Variants in CDH10 observed in about 807,000 individuals in gnomAD.
CDH10 encodes cadherin-10.
Under a neutral mutation model 73.1 loss-of-function variants are expected in CDH10, and 30 were observed. That is an observed-to-expected ratio of 0.41 (90% confidence interval 0.31 to 0.56). The LOEUF (loss-of-function observed/expected upper bound fraction) is 0.56, where lower values mean the gene tolerates loss of function less well. Among genes scored for constraint, CDH10 ranks in the 20% least tolerant of loss-of-function variants. The pLI is 0.27. For synonymous variants in CDH10, 345 were observed against 348.2 expected, an observed-to-expected ratio of 0.99 and a Z score of 0.10; for missense variants, 815 against 973.7, an observed-to-expected ratio of 0.84 and a Z score of 2.17.
rs2111895373 is a variant in CDH10, at chr5:24,537,550, C to T, written c.356G>A (p.Arg119Lys). Residue 119 changes from arginine to lysine, a missense_variant, in exon 3 of 12, where the codon AGG (arginine) becomes AAG (lysine). Physicochemically the swap from Arg to Lys is conservative, Grantham distance 26 (BLOSUM62 2). Coordinates refer to ENST00000264463, the MANE Select transcript of CDH10 (RefSeq NM_006727.5). ...GDIHATRRID[R>K]EEKAFYTLRA... ...TAGAGTATAAAAGGCCTTTTCCTCC[C>T]TATCAATTCGCCTTGTGGCATGAAT... 6.2e-7 allele frequency: 1 copy of T among 1,613,234 alleles called. No homozygotes were observed. Among genetic ancestry groups the T allele is most frequent in the Non-Finnish European group, 8.5e-7 (1 of 1,179,422 alleles).
intron 11 of CDH10, 72 bp downstream of exon 11, chr5:24,491,504 T>C (rs761009554): frequency 2.8e-6 from 4 of 1,404,398 alleles, no homozygotes; most frequent in Middle Eastern, 2.0e-4. Flanking sequence ...GGAGGGATTT[T>C]AATAGCCACA....
At chr5:24,596,521 G>A (rs943374775) in intron 1 of CDH10, among the ~76,000 whole-genome samples, 3 of 151,780 alleles carry the variant, frequency 2.0e-5, no homozygotes, top group Non-Finnish European at 4.4e-5. Flanking sequence ...TTAATTTTCT[G>A]AAGCCCACTT....
At chr5:24,504,155 G>A (rs1051084458) in intron 8 of CDH10, among the ~76,000 whole-genome samples, 5 of 151,954 alleles carry the variant, frequency 3.3e-5, no homozygotes, top group African/African-American at 4.8e-5. Context: ...AAAAAATCCC[G>A]AAAAACAGCA....
At chr5:24,640,762 C>G (rs1748022609) in intron 1 of CDH10, among the ~76,000 whole-genome samples, 1 of 151,786 alleles carries the variant, frequency 6.6e-6, no homozygotes, top group Non-Finnish European at 1.5e-5. Flanking sequence ...TAATTTGCAG[C>G]TTTCCCTTTC....
chr5:24,554,117 G>GAGAGAGAGAGAGAGAGA lies in CDH10; in HGVS notation c.232-16444_232-16443insTCTCTCTCTCTCTCTCT, dbSNP rs1377523348. 1.4e-4 allele frequency: 6 copies of GAGAGAGAGAGAGAGAGA among 41,864 alleles called. 1 individual carries two copies. The highest frequency in any genetic ancestry group is 1.6e-4 in the Non-Finnish European group (3 of 18,376). The allele number at this position is 41,864 out of a possible 1,614,324, so 2.6% of individuals were successfully genotyped here. ...AGAGAGAAGGGGAGGTGGGCGGGGG[G>GAGAGAGAGAGAGAGAGA]GGGAGAGAGAGAGACATTCAATCAG... On this transcript the variant is annotated intron_variant, in intron 2 of 11. Transcript: ENST00000264463.
chr5:24,607,638 A>T (rs1746804644), intron 1 of CDH10, among the ~76,000 whole-genome samples: 1 of 152,150 alleles, frequency 6.6e-6, no homozygotes, highest in Non-Finnish European at 1.5e-5. Flanking sequence ...TTGTCTAGGG[A>T]TGTCCGTTAG....
chr5:24,623,655 A>G (rs193185535), intron 1 of CDH10, among the ~76,000 whole-genome samples: 2 of 152,316 alleles, frequency 1.3e-5, no homozygotes, highest in Admixed American at 1.3e-4. Flanking sequence ...GAACAAAAAT[A>G]TTTATGAATT....
chr5:24,505,960 A>C (rs1742683841), intron 7 of CDH10, among the ~76,000 whole-genome samples: 7 of 152,092 alleles, frequency 4.6e-5, no homozygotes, highest in Admixed American at 4.6e-4. Flanking sequence ...TTAAAAATAC[A>C]AAAATTAGCT....
At position 24,544,062 on chromosome 5, in the gene CDH10, G is replaced by A. The variant is rs937205980; in HGVS notation, c.232-6388C>T. Among the ~76,000 whole-genome samples the A allele has an allele frequency of 4.6e-5, 7 of 152,146 alleles. No individual in the cohort carries two copies. The South Asian group carries it at 8.3e-4, about 18-fold the overall frequency. On this transcript the variant is annotated intron_variant, in intron 2 of 11. Coordinates refer to ENST00000264463, the MANE Select transcript of CDH10 (RefSeq NM_006727.5). ...TGTAATCCCAGCACTTTGGGAGGCC[G>A]AGGAAGGCGGATCATGAGGTCAACA...
At chr5:24,586,022 T>C (rs1745981010) in intron 2 of CDH10, among the ~76,000 whole-genome samples, 1 of 152,184 alleles carries the variant, frequency 6.6e-6, no homozygotes, top group African/African-American at 2.4e-5. Flanking sequence ...GGGGTGGTAT[T>C]TGAAAATGAC....
intron 1 of CDH10, among the ~76,000 whole-genome samples, chr5:24,601,816 A>T (rs1746575645): frequency 1.3e-5 from 2 of 152,140 alleles, no homozygotes; most frequent in South Asian, 4.1e-4. Flanking sequence ...AAGATATTTT[A>T]AAAATTACCT....
At chr5:24,634,997 C>CA (rs1197790470) in intron 1 of CDH10, among the ~76,000 whole-genome samples, 23 of 69,966 alleles carry the variant, frequency 3.3e-4, no homozygotes, top group African/African-American at 9.2e-4. Flanking sequence ...TAAATAGAGC[C>CA]AAAAAAGGAA....
chr5:24,542,141 T>C (rs1053866957), intron 2 of CDH10, among the ~76,000 whole-genome samples: 19 of 152,142 alleles, frequency 1.2e-4, no homozygotes, highest in Admixed American at 1.2e-3. Context: ...ATTTATAAGT[T>C]AAAGGGGACT....
At chr5:24,640,786 T>G (rs1748023569) in intron 1 of CDH10, among the ~76,000 whole-genome samples, 1 of 151,932 alleles carries the variant, frequency 6.6e-6, no homozygotes, top group Non-Finnish European at 1.5e-5. Flanking sequence ...AGTTCCATAA[T>G]GTTTAACCAA....
chr5:24,501,163 A>G (rs1011035114), intron 8 of CDH10, among the ~76,000 whole-genome samples: 6 of 152,166 alleles, frequency 3.9e-5, no homozygotes, highest in African/African-American at 1.4e-4. Context: ...TCTTGACATA[A>G]AAATATCCCT....
chr5:24,600,981 C>CT (rs906427135), intron 1 of CDH10, among the ~76,000 whole-genome samples: 18 of 149,722 alleles, frequency 1.2e-4, no homozygotes, highest in Admixed American at 2.0e-4. Context: ...GTATATGTGG[C>CT]TTTTTTTTTC....
chr5:24,587,714 A>T (rs1222100026), intron 2 of CDH10, among the ~76,000 whole-genome samples: 1 of 135,306 alleles, frequency 7.4e-6, no homozygotes, highest in Non-Finnish European at 1.7e-5. Context: ...TGAAAAAATG[A>T]TTGGCTAAAT....
intron 2 of CDH10, among the ~76,000 whole-genome samples, chr5:24,562,999 G>A (rs1745016111): frequency 6.6e-6 from 1 of 152,142 alleles, no homozygotes; most frequent in Non-Finnish European, 1.5e-5. Flanking sequence ...TCCTCTATGA[G>A]CATTGCTAAT....
intron 2 of CDH10, among the ~76,000 whole-genome samples, chr5:24,546,181 TTGTGTGTGTG>T (rs139727777): frequency 6.7e-6 from 1 of 149,604 alleles, no homozygotes; most frequent in Admixed American, 6.7e-5. Flanking sequence ...TTGAAAAAAC[TTGTGTGTGTG>T]TGTGTGTGTG....
Sources: gnomAD v4.1 joint callset for allele counts (sites outside exome capture counted in the v4.1 genomes callset) on GRCh38, gnomAD v4.1.1 for gene constraint, MANE v1.5 for transcripts, NCBI Gene and HGNC (gene_info 2026-07-23, HGNC 2026-07-21) for gene names.